The following N4BP1 variants were observed in gnomAD, a reference collection of about 807,000 sequenced individuals.
N4BP1 encodes NEDD4 binding protein 1.
Under a neutral mutation model 70.9 loss-of-function variants are expected in N4BP1, and 21 were observed. The ratio of observed to expected loss-of-function variants is 0.30; its 90% CI spans 0.21 to 0.43. N4BP1 has a LOEUF of 0.43. N4BP1 is among the 20% of genes least tolerant of loss of function. N4BP1 has a pLI of 1.00. For synonymous variants in N4BP1, 387 were observed against 394.6 expected (o/e 0.98, Z 0.23); for missense variants, 936 against 1,069.4 (o/e 0.88, Z 1.74).
At chr16:48,595,333 C>T (rs1391656813) in intron 1 of N4BP1, among the ~76,000 whole-genome samples, 2 of 151,386 alleles carry the variant, frequency 1.3e-5, no homozygotes, top group African/African-American at 2.4e-5. Flanking sequence ...CATGGTAGCG[C>T]ACACCTGTAA....
At position 48,573,006 on chromosome 16, in the gene N4BP1, G is replaced by A. The variant is rs546290342; in HGVS notation, c.199-10562C>T. Among the ~76,000 whole-genome samples, 14 of 151,824 alleles carry A rather than the reference G, an allele frequency of 9.2e-5. No homozygotes were observed. The East Asian group carries it at 2.7e-3, about 30-fold the overall frequency. The stretch of plus-strand genomic sequence containing the variant: ...GCATGTCTGTAGTAGCAGCTACTCA[G>A]GAAGCTGAGGTGGGAGGACTTGCCT... On this transcript the variant is annotated intron_variant, in intron 1 of 6. Coordinates refer to ENST00000262384, the MANE Select transcript of N4BP1 (RefSeq NM_153029.4).
rs781303949 is a variant in N4BP1, at chr16:48,560,989, G to A, written c.1654C>T (p.Pro552Ser). 1.1e-5 allele frequency: 17 copies of A among 1,613,876 alleles called. No individual in the cohort carries two copies. The highest frequency in any genetic ancestry group is 3.3e-4 in the Middle Eastern group (2 of 6,084). ...CEKRLGCCSS[P>S]HSKPNCSTLS... ...GTTGAGCAATTTGGCTTAGAATGAGGAGAACTACAACATCCTAAACGTTTT... is the reference window on the plus strand; with the variant it reads ...GTTGAGCAATTTGGCTTAGAATGAGAAGAACTACAACATCCTAAACGTTTT... Residue 552 changes from proline (P) to serine (S), a missense_variant, in exon 2 of 7, where the codon CCT (proline) becomes TCT (serine). By Grantham distance (74) the Pro-to-Ser change is moderately conservative. This residue lies in a region of N4BP1 where 515 missense variants were observed against 491.7 expected (regional missense o/e 1.05). Transcript: ENST00000262384.
chr16:48,539,994 G>A lies in N4BP1; in HGVS notation c.*2910C>T, dbSNP rs1240527815. 1 of 152,392 alleles carries A rather than the reference G, an allele frequency of 6.6e-6. No individual in the cohort carries two copies. The highest frequency in any genetic ancestry group is 1.5e-5 in the Non-Finnish European group (1 of 68,132). 9.4% of individuals were successfully genotyped at this position (152,392 alleles called of 1,614,324 possible). ...TTGCAAACTGGGAAGTGGAGAGTGG[G>A]AGGTGAGGGGAAGCACTAGCAATGA... On this transcript the variant is annotated 3_prime_UTR_variant, in exon 7 of 7. Coordinates refer to ENST00000262384, the MANE Select transcript of N4BP1 (RefSeq NM_153029.4).
chr16:48,591,704 CTGAAT>C (rs1421666154), intron 1 of N4BP1, among the ~76,000 whole-genome samples: 3 of 142,864 alleles, frequency 2.1e-5, no homozygotes, highest in Non-Finnish European at 4.5e-5. Flanking sequence ...TCTCAGTCAA[CTGAAT>C]TATTTCTCTA....
At chr16:48,578,155 G>T in intron 1 of N4BP1, 1 of 178,238 alleles carries the variant, frequency 5.6e-6, no homozygotes, top group Non-Finnish European at 1.2e-5. Flanking sequence ...GAGAAGAGAT[G>T]GATTTCCTCC....
chr16:48,563,725 CTG>C (rs1314780507), intron 1 of N4BP1, among the ~76,000 whole-genome samples: 1 of 152,162 alleles, frequency 6.6e-6, no homozygotes, highest in African/African-American at 2.4e-5. Context: ...GAAAATCAGA[CTG>C]TTAAATTAAA....
rs746790059 is a variant in N4BP1, at chr16:48,595,259, C to T, written c.198+14516G>A. Among the ~76,000 whole-genome samples the T allele has an allele frequency of 2.6e-5, 4 of 151,654 alleles. No homozygotes were observed. The East Asian group carries it at 5.8e-4, about 22-fold the overall frequency. On this transcript the variant is annotated intron_variant, in intron 1 of 6. Transcript: ENST00000262384. ...GGTGGATCATTTGAGGCCAGGAGTTCGAGACCAGCCTGGCCAACATGGCAA... is the reference window on the plus strand; with the variant it reads ...GGTGGATCATTTGAGGCCAGGAGTTTGAGACCAGCCTGGCCAACATGGCAA...
chr16:48,562,254 G>A lies in N4BP1; in HGVS notation c.389C>T (p.Ala130Val). 6.2e-7 allele frequency: 1 copy of A among 1,613,902 alleles called. No homozygotes were observed. Among genetic ancestry groups the A allele is most frequent in the South Asian group, 1.1e-5 (1 of 91,080 alleles). ...TACAAATTGTTGAATGTGACTCCTA[G>A]CCATGACCACAGCCTCAGCACTTCC... ...IRGSAEAVVM[A>V]RSHIQQFVKL... Residue 130 changes from alanine to valine, a missense_variant, in exon 2 of 7, where the codon GCT becomes GTT. Around this residue, in one of 4 missense-constraint regions of N4BP1, gnomAD observed 187 missense variants for 217.1 expected, o/e 0.86. Transcript: ENST00000262384.
At chr16:48,606,057 TG>T (rs1964576523) in intron 1 of N4BP1, among the ~76,000 whole-genome samples, 1 of 152,174 alleles carries the variant, frequency 6.6e-6, no homozygotes, top group Non-Finnish European at 1.5e-5. Context: ...TCCCCATGTC[TG>T]TCTCCCCTAA....
chr16:48,573,047 C>T (rs776869903), intron 1 of N4BP1, among the ~76,000 whole-genome samples: 37 of 150,348 alleles, frequency 2.5e-4, no homozygotes, highest in Admixed American at 7.3e-4. Flanking sequence ...TGGGTACAGG[C>T]TGCAGTGACC....
chr16:48,566,145 T>C (rs1963940551), intron 1 of N4BP1, among the ~76,000 whole-genome samples: 1 of 152,128 alleles, frequency 6.6e-6, no homozygotes. Flanking sequence ...CTGCTTGCTT[T>C]GGGCTTATTC....
chr16:48,569,334 C>T (rs140793307), intron 1 of N4BP1, among the ~76,000 whole-genome samples: 10 of 152,322 alleles, frequency 6.6e-5, no homozygotes, highest in Non-Finnish European at 1.3e-4. Context: ...AAGCTGCAAC[C>T]TGTCTTCTGA....
At chr16:48,573,071 T>G (rs1416576743) in intron 1 of N4BP1, among the ~76,000 whole-genome samples, 9 of 147,964 alleles carry the variant, frequency 6.1e-5, no homozygotes, top group Non-Finnish European at 1.5e-5. Flanking sequence ...GATGTGCCAC[T>G]GCACTCTAGC....
intron 1 of N4BP1, among the ~76,000 whole-genome samples, chr16:48,587,943 G>C (rs555329079): frequency 6.6e-6 from 1 of 151,934 alleles, no homozygotes; most frequent in Non-Finnish European, 1.5e-5. Flanking sequence ...CACTACAGGT[G>C]AAATATGTAG....
chr16:48,558,559 C>G (rs1567430152), intron 2 of N4BP1, among the ~76,000 whole-genome samples: 1 of 152,152 alleles, frequency 6.6e-6, no homozygotes, highest in Admixed American at 6.6e-5. Context: ...TTAACTACCC[C>G]AAAAGGTTTA....
At chr16:48,585,075 G>C (rs1040351647) in intron 1 of N4BP1, among the ~76,000 whole-genome samples, 62 of 151,914 alleles carry the variant, frequency 4.1e-4, no homozygotes, top group African/African-American at 1.4e-3. Flanking sequence ...GAGATTACAG[G>C]CACCTGCCAC....
chr16:48,559,416 T>C (rs1963818244), intron 2 of N4BP1, among the ~76,000 whole-genome samples: 2 of 152,226 alleles, frequency 1.3e-5, no homozygotes, highest in Non-Finnish European at 2.9e-5. Context: ...GTCCTGTTTC[T>C]TGAATTGCGG....
At chr16:48,586,869 A>AT (rs56410518) in intron 1 of N4BP1, among the ~76,000 whole-genome samples, 20 of 149,742 alleles carry the variant, frequency 1.3e-4, no homozygotes, top group South Asian at 6.3e-4. Flanking sequence ...AACTTTTAAC[A>AT]TTTTTTTTTT....
In N4BP1 at chr16:48,543,334, A is replaced by G; in HGVS notation, c.2334-73T>C. ...AAATCATAGAGCTATTTTAGAAGGTACCTGCGGCAGGCCTTGAGGCTCAGG... is the reference window on the plus strand; with the variant it reads ...AAATCATAGAGCTATTTTAGAAGGTGCCTGCGGCAGGCCTTGAGGCTCAGG... On this transcript the variant is annotated intron_variant, in intron 6 of 6. Coordinates refer to ENST00000262384, the MANE Select transcript of N4BP1 (RefSeq NM_153029.4). 2.4e-6 allele frequency: 3 copies of G among 1,269,040 alleles called. No individual in the cohort carries two copies. In the East Asian group the frequency reaches 7.9e-5, roughly 34 times the overall value. 78.6% of individuals were successfully genotyped at this position (1,269,040 alleles called of 1,614,324 possible). A position where few individuals can be genotyped will look rare whatever the true frequency, so the allele number is the denominator to read the frequency against.
Sources: allele counts gnomAD v4.1 joint callset (sites outside exome capture counted in the v4.1 genomes callset), GRCh38; gene constraint gnomAD v4.1.1; regional missense constraint gnomAD v4.1.1; transcripts MANE v1.5; gene names NCBI Gene and HGNC (gene_info 2026-07-23, HGNC 2026-07-21).